The following RORA variants were observed in gnomAD, a reference collection of about 807,000 sequenced individuals.
RORA encodes nuclear receptor ROR-alpha.
Under a neutral mutation model 69.5 loss-of-function variants are expected in RORA, and 7 were observed. The observed-to-expected ratio is 0.10, with a 90% CI of 0.06 to 0.19. The LOEUF is 0.19. RORA is among the 10% of genes least tolerant of loss of function. The probability of loss-of-function intolerance (pLI) is 1.00; values close to 1 mark genes in which losing one functional copy is unlikely to be tolerated. For missense variants in RORA, 457 were observed against 663.0 expected, an observed-to-expected ratio of 0.69 and a Z score of 3.41; for synonymous variants, 261 against 240.8, an observed-to-expected ratio of 1.08 and a Z score of -0.78.
chr15:61,010,016 T>C (rs917007471), intron 1 of RORA, among the ~76,000 whole-genome samples: 3 of 152,214 alleles, frequency 2.0e-5, no homozygotes, highest in African/African-American at 7.2e-5. Context: ...TGCCCCCAAC[T>C]GTACTGCTTC....
intron 1 of RORA, among the ~76,000 whole-genome samples, chr15:61,102,849 T>C (rs1022327788): frequency 6.6e-6 from 1 of 152,202 alleles, no homozygotes; most frequent in African/African-American, 2.4e-5. Flanking sequence ...TCCCAGTTAA[T>C]AGACTGGATG....
At chr15:60,996,634 G>C (rs886461462) in intron 1 of RORA, among the ~76,000 whole-genome samples, 1 of 152,104 alleles carries the variant, frequency 6.6e-6, no homozygotes, top group Non-Finnish European at 1.5e-5. Flanking sequence ...CTTCAGGCCG[G>C]GCACGATGGC....
chr15:60,678,427 A>G, intron 2 of RORA: 1 of 443,962 alleles, frequency 2.3e-6, no homozygotes, highest in African/African-American at 2.0e-5. Context: ...ATGGCTGGAA[A>G]CACTGGAATT....
intron 2 of RORA, among the ~76,000 whole-genome samples, chr15:60,597,551 C>CACACAACATATAT (rs1555435946): frequency 4.0e-5 from 1 of 25,130 alleles, no homozygotes; most frequent in African/African-American, 1.4e-4. Flanking sequence ...ACACACACAA[C>CACACAACATATAT]ATATATATAT....
intron 2 of RORA, among the ~76,000 whole-genome samples, chr15:60,658,937 T>C (rs1348167323): frequency 6.6e-6 from 1 of 152,212 alleles, no homozygotes; most frequent in Non-Finnish European, 1.5e-5. Flanking sequence ...TGGCCAAGTG[T>C]TTCCTCCTTT....
chr15:60,518,352 G>C (rs948607361), intron 3 of RORA, among the ~76,000 whole-genome samples: 1 of 152,106 alleles, frequency 6.6e-6, no homozygotes, highest in African/African-American at 2.4e-5. Context: ...AGTTAGCTCT[G>C]CTTTAAGGGC....
intron 1 of RORA, among the ~76,000 whole-genome samples, chr15:61,133,487 T>G (rs1795821946): frequency 6.6e-6 from 1 of 152,100 alleles, no homozygotes; most frequent in Non-Finnish European, 1.5e-5. Flanking sequence ...GAAGCATCTA[T>G]GAGGATAAAG....
At chr15:61,094,041 G>A (rs542239055) in intron 1 of RORA, among the ~76,000 whole-genome samples, 1 of 152,220 alleles carries the variant, frequency 6.6e-6, no homozygotes, top group Non-Finnish European at 1.5e-5. Flanking sequence ...CTTTGTCTCA[G>A]TTGTAGGACT....
rs1245013926 is a variant in RORA at position 61,131,623 on chromosome 15, C to G, written c.166+97430G>C. On this transcript the variant is annotated intron_variant, in intron 1 of 10. Coordinates refer to ENST00000335670, the MANE Select transcript of RORA (RefSeq NM_134261.3). This position sits in a 1 kb window ranked among gnomAD's most constrained non-coding sequence, Gnocchi z 4.2. ...AATAGAACATGTGCTACACTACTGACTATCCGTTAGACAGTGCTTTAAGCA... is the reference window on the plus strand; with the variant it reads ...AATAGAACATGTGCTACACTACTGAGTATCCGTTAGACAGTGCTTTAAGCA... 1.3e-5 allele frequency among the ~76,000 whole-genome samples: 2 copies of G among 152,228 alleles called. No individual in the cohort carries two copies. The highest frequency in any genetic ancestry group is 1.3e-4 in the Admixed American group (2 of 15,284).
intron 1 of RORA, among the ~76,000 whole-genome samples, chr15:60,910,101 T>A (rs11855147): frequency 6.6e-6 from 1 of 152,130 alleles, no homozygotes; most frequent in South Asian, 2.1e-4. Context: ...AAGCAAGTGG[T>A]GTTTTTGTCC....
At chr15:60,879,237 A>C (rs1461468391) in intron 1 of RORA, among the ~76,000 whole-genome samples, 1 of 152,186 alleles carries the variant, frequency 6.6e-6, no homozygotes, top group Admixed American at 6.5e-5. Context: ...AGTGGGGCCC[A>C]CAGTGCTGAG....
chr15:60,577,332 A>G (rs1377742972), intron 2 of RORA, among the ~76,000 whole-genome samples: 5 of 152,168 alleles, frequency 3.3e-5, no homozygotes, highest in African/African-American at 1.2e-4. Flanking sequence ...TGGTCTCTGT[A>G]TACTTTTATG....
intron 1 of RORA, among the ~76,000 whole-genome samples, chr15:61,156,031 T>C (rs1227983816): frequency 6.6e-6 from 1 of 152,112 alleles, no homozygotes; most frequent in Non-Finnish European, 1.5e-5. Context: ...TCACTCTCCT[T>C]GCACATGACT....
At chr15:60,542,324 A>C (rs765600156) in intron 2 of RORA, among the ~76,000 whole-genome samples, 4 of 150,490 alleles carry the variant, frequency 2.7e-5, no homozygotes, top group Non-Finnish European at 5.9e-5. Context: ...ACAGGCACAC[A>C]CACACCACAC....
rs1434620840 is a variant in RORA at position 60,537,132 on chromosome 15, G to A, written c.197-5281C>T. On this transcript the variant is annotated intron_variant, in intron 2 of 10. Coordinates refer to ENST00000335670, the MANE Select transcript of RORA (RefSeq NM_134261.3). This position sits in a 1 kb window ranked among gnomAD's most constrained non-coding sequence, Gnocchi z 4.9. ...AGGCTTCTGCAGCTGCCTGAATGGC[G>A]GCCTGGCTTGCGTGTCAAGGTTAGC... is the stretch of plus-strand genomic sequence containing the variant. Among the ~76,000 whole-genome samples, 4 of 152,256 alleles carry A rather than the reference G, an allele frequency of 2.6e-5. No homozygotes were observed. Among genetic ancestry groups the A allele is most frequent in the African/African-American group, 4.8e-5 (2 of 41,546 alleles).
At chr15:60,648,162 C>A (rs2070085532) in intron 2 of RORA, among the ~76,000 whole-genome samples, 1 of 152,192 alleles carries the variant, frequency 6.6e-6, no homozygotes, top group Non-Finnish European at 1.5e-5. Context: ...CACGTAGGTG[C>A]CTTCCAAATA....
intron 1 of RORA, among the ~76,000 whole-genome samples, chr15:60,856,094 C>A (rs548443668): frequency 6.6e-6 from 1 of 152,250 alleles, no homozygotes; most frequent in Admixed American, 6.5e-5. Flanking sequence ...AATATGGTGG[C>A]CCTGCTGATC....
rs2065002060 is a variant in RORA, at chr15:60,489,166, A to G, written c.*8289T>C. 6.6e-6 allele frequency: 1 copy of G among 152,224 alleles called. No homozygotes were observed. Among genetic ancestry groups the G allele is most frequent in the African/African-American group, 2.4e-5 (1 of 41,468 alleles). The allele number at this position is 152,224 out of a possible 1,614,324, so 9.4% of individuals were successfully genotyped here. ...TTAAGGAATGATGTGATTTATATTA[A>G]AAGAGATTTCTCCCTCAACTGTAGC... On this transcript the variant is annotated 3_prime_UTR_variant, in exon 11 of 11. Transcript: ENST00000335670.
intron 1 of RORA, among the ~76,000 whole-genome samples, chr15:61,116,351 A>T (rs747918941): frequency 6.6e-6 from 1 of 152,224 alleles, no homozygotes; most frequent in Non-Finnish European, 1.5e-5. Context: ...AAAACAGTAT[A>T]GGGCTTGGCT....
Sources: allele counts gnomAD v4.1 joint callset (sites outside exome capture counted in the v4.1 genomes callset), GRCh38; gene constraint gnomAD v4.1.1; non-coding constraint Gnocchi (gnomAD v3.1); transcripts MANE v1.5; gene names NCBI Gene and HGNC (gene_info 2026-07-23, HGNC 2026-07-21).